APBA2: variants seen among roughly 807,000 people sequenced by gnomAD.
APBA2 encodes amyloid-beta A4 precursor protein-binding family A member 2.
In APBA2, 30 loss-of-function variants were observed where a neutral mutation model predicts 75.0. That is an observed-to-expected ratio of 0.40 (90% CI 0.30 to 0.54). The LOEUF is 0.54. Ranked by LOEUF, APBA2 falls within the 20% of genes least tolerant of loss-of-function variation. The pLI, the probability that APBA2 is intolerant of heterozygous loss-of-function variation, is 0.49. For synonymous variants in APBA2, 444 were observed against 409.6 expected (o/e 1.08, Z -1.01); for missense variants, 801 against 1,016.1 (o/e 0.79, Z 2.88).
At chr15:29,039,163 G>T (rs1189137899) in intron 3 of APBA2, among the ~76,000 whole-genome samples, 1 of 145,076 alleles carries the variant, frequency 6.9e-6, no homozygotes, top group African/African-American at 2.6e-5. Context: ...GTGTATCAGG[G>T]TTGCTGCTGA....
chr15:29,032,666 C>T (rs566172459), intron 3 of APBA2, among the ~76,000 whole-genome samples: 79 of 152,322 alleles, frequency 5.2e-4, no homozygotes, highest in Admixed American at 1.8e-3. Context: ...CTCCTGGACC[C>T]TCCATCCCCA....
At chr15:28,925,182 T>C (rs964537176) in intron 2 of APBA2, among the ~76,000 whole-genome samples, 1 of 152,204 alleles carries the variant, frequency 6.6e-6, no homozygotes, top group Non-Finnish European at 1.5e-5. Flanking sequence ...ATTATATCCA[T>C]TGATTTTTCT....
chr15:28,904,749 C>A (rs1039790741), intron 1 of APBA2, among the ~76,000 whole-genome samples: 1 of 152,226 alleles, frequency 6.6e-6, no homozygotes. Context: ...AGCACGCAGA[C>A]TCCCTGTGAC....
chr15:29,037,485 T>C (rs1394900477), intron 3 of APBA2, among the ~76,000 whole-genome samples: 3 of 151,982 alleles, frequency 2.0e-5, no homozygotes, highest in African/African-American at 7.3e-5. Flanking sequence ...TGAGGGTTTG[T>C]TGGGATTAGA....
chr15:28,902,266 G>T (rs2032909151), intron 1 of APBA2, among the ~76,000 whole-genome samples: 1 of 152,078 alleles, frequency 6.6e-6, no homozygotes, highest in Non-Finnish European at 1.5e-5. Flanking sequence ...AGGGAGGAGG[G>T]CACTTTCCTT....
chr15:29,033,333 G>T (rs552943509), intron 3 of APBA2, among the ~76,000 whole-genome samples: 1 of 152,122 alleles, frequency 6.6e-6, no homozygotes, highest in African/African-American at 2.4e-5. Context: ...TCCACAACAG[G>T]AATGGTCTTA....
intron 2 of APBA2, chr15:28,970,571 G>A (rs909534155): frequency 6.6e-6 from 1 of 150,444 alleles, no homozygotes; most frequent in East Asian, 1.9e-4. Flanking sequence ...TATTTTTAAG[G>A]GACAATTTTG....
chr15:29,031,551 C>CCTCTGCCTCCCCGGTTCAAGTGATT (rs1426524687), intron 3 of APBA2, among the ~76,000 whole-genome samples: 1 of 152,110 alleles, frequency 6.6e-6, no homozygotes, highest in Non-Finnish European at 1.5e-5. Flanking sequence ...CCCACTGCAA[C>CCTCTGCCTCCCCGGTTCAAGTGATT]CTCTGCCTCC....
At chr15:29,015,349 T>G (rs1332294509) in intron 3 of APBA2, among the ~76,000 whole-genome samples, 1 of 152,166 alleles carries the variant, frequency 6.6e-6, no homozygotes, top group Non-Finnish European at 1.5e-5. Flanking sequence ...GCATCTGTAG[T>G]AGAATAAAAT....
At chr15:29,107,355 G>A (rs1409126599) in intron 12 of APBA2, among the ~76,000 whole-genome samples, 2 of 152,176 alleles carry the variant, frequency 1.3e-5, no homozygotes, top group Non-Finnish European at 2.9e-5. Context: ...GTCACCGGCA[G>A]CTAGGGTGGG....
intron 2 of APBA2, among the ~76,000 whole-genome samples, chr15:28,960,905 G>A (rs146211294): frequency 0.033 from 5,010 of 151,978 alleles, 301 homozygotes; most frequent in African/African-American, 0.11. Flanking sequence ...GATTACAGGC[G>A]TGCACCACCA....
intron 2 of APBA2, among the ~76,000 whole-genome samples, chr15:28,987,729 GAT>G (rs146348050): frequency 4.5e-4 from 48 of 106,146 alleles, no homozygotes; most frequent in Admixed American, 1.6e-3. Context: ...TGTGGAGAGA[GAT>G]ATATATATAT....
rs376193947 is a variant in APBA2, at chr15:29,093,161, C to T, written c.1156C>T (p.Arg386Trp). The change falls in exon 7 of 15, where the codon CGG becomes TGG. Residue 386 changes from arginine (R) to tryptophan (W), a missense_variant. Arg to Trp is a moderately radical substitution (Grantham distance 101). Coordinates refer to ENST00000683413, the MANE Select transcript of APBA2 (RefSeq NM_001353788.2). ...YLGSTQLLSERNPSKNIRMMQ... is the reference protein window; with the variant it reads ...YLGSTQLLSEWNPSKNIRMMQ... ...GGGGTCCACCCAGCTGCTATCAGAA[C>T]GGAACCCTTCCAAAAACATCAGAAT... 10 of 1,614,144 alleles carry T rather than the reference C, an allele frequency of 6.2e-6. No individual in the cohort carries two copies. Among genetic ancestry groups the T allele is most frequent in the African/African-American group, 1.3e-5 (1 of 74,954 alleles).
chr15:28,964,777 C>T (rs1179928806), intron 2 of APBA2, among the ~76,000 whole-genome samples: 2 of 151,976 alleles, frequency 1.3e-5, no homozygotes, highest in African/African-American at 2.4e-5. Flanking sequence ...CATGAGCCAC[C>T]GCACCTGGCC....
chr15:28,913,704 A>T (rs1234558328), intron 1 of APBA2, among the ~76,000 whole-genome samples: 3 of 152,224 alleles, frequency 2.0e-5, no homozygotes, highest in Admixed American at 2.0e-4. Context: ...GGGAGCCCCC[A>T]CTTGTGGGTC....
At chr15:28,953,848 C>G (rs2036022321) in intron 2 of APBA2, among the ~76,000 whole-genome samples, 1 of 152,194 alleles carries the variant, frequency 6.6e-6, no homozygotes, top group Non-Finnish European at 1.5e-5. Flanking sequence ...GGTCCACACT[C>G]CCACCATGGT....
At chr15:29,057,305 TGCTGTAGGA>T (rs2041943155) in intron 4 of APBA2, among the ~76,000 whole-genome samples, 1 of 152,244 alleles carries the variant, frequency 6.6e-6, no homozygotes, top group South Asian at 2.1e-4. Flanking sequence ...CCAGCTGTGA[TGCTGTAGGA>T]GACTCACTTG....
intron 3 of APBA2, among the ~76,000 whole-genome samples, chr15:28,999,016 C>T (rs772330968): frequency 1.4e-4 from 21 of 151,952 alleles, no homozygotes; most frequent in East Asian, 5.8e-4. Context: ...GGTGTGGTGG[C>T]GGACATCTAT....
intron 4 of APBA2, among the ~76,000 whole-genome samples, chr15:29,058,409 G>C (rs748721572): frequency 1.2e-4 from 19 of 152,072 alleles, no homozygotes; most frequent in Non-Finnish European, 1.8e-4. Context: ...TACTCAGGAG[G>C]CTGAGGCAGG....
Sources: gnomAD v4.1 joint callset for allele counts (sites outside exome capture counted in the v4.1 genomes callset) on GRCh38, gnomAD v4.1.1 for gene constraint, MANE v1.5 for transcripts, NCBI Gene and HGNC (gene_info 2026-07-23, HGNC 2026-07-21) for gene names.